Variants in POLI observed in about 807,000 individuals in gnomAD.
POLI encodes RAD30 homolog B.
In POLI, 58 loss-of-function variants were observed where a neutral mutation model predicts 51.6. That is an observed-to-expected ratio of 1.12 (90% confidence interval 0.91 to 1.40). The LOEUF (loss-of-function observed/expected upper bound fraction) is 1.40. Ranked by LOEUF, POLI falls within the 40% of genes most tolerant of loss-of-function variation. The pLI is 0.00. For synonymous variants in POLI, 322 were observed against 299.7 expected (o/e 1.07, Z -0.77); for missense variants, 921 against 871.3 (o/e 1.06, Z -0.72).
At chr18:54,305,277 G>A (rs1455538788) in intron 3 of POLI, among the ~76,000 whole-genome samples, 1 of 151,980 alleles carries the variant, frequency 6.6e-6, no homozygotes, top group Non-Finnish European at 1.5e-5. Context: ...ACTTTAAAGT[G>A]TTTTTTTCCA....
chr18:54,306,333 C>G (rs566005006), intron 3 of POLI, among the ~76,000 whole-genome samples: 1 of 152,196 alleles, frequency 6.6e-6, no homozygotes, highest in South Asian at 2.1e-4. Flanking sequence ...TTGAGATAAT[C>G]ATGTGGTTTT....
chr18:54,269,631 G>A lies in POLI; in HGVS notation c.85G>A (p.Ala29Thr), dbSNP rs2086909809. The change falls in exon 1 of 10, where the codon GCG becomes ACG. Residue 29 changes from alanine to threonine, a missense_variant. By Grantham distance (58) the Ala-to-Thr change is moderately conservative. Coordinates refer to ENST00000579534, the MANE Select transcript of POLI (RefSeq NM_007195.3). ...CGCCGAGGCCTGGGCCATGGAACTG[G>A]CGGACGTGGGGGCGGCAGCCAGCTC... ...EDAEAWAMEL[A>T]DVGAAASSQG... 2 of 1,509,974 alleles carry A rather than the reference G, an allele frequency of 1.3e-6. No homozygotes were observed. Among genetic ancestry groups the A allele is most frequent in the South Asian group, 2.5e-5 (2 of 81,544 alleles). 93.5% of individuals were successfully genotyped at this position (1,509,974 alleles called of 1,614,324 possible).
chr18:54,281,014 G>C, intron 5 of POLI, 111 bp downstream of exon 5: 1 of 616,746 alleles, frequency 1.6e-6, no homozygotes, highest in Non-Finnish European at 2.8e-6. Context: ...CTGTGAGTTT[G>C]TGTGCATGTG....
chr18:54,279,115 A>G (rs1373640821), intron 4 of POLI, among the ~76,000 whole-genome samples: 1 of 60,320 alleles, frequency 1.7e-5, no homozygotes, highest in Non-Finnish European at 2.9e-5. Flanking sequence ...TAGGTTTTAT[A>G]TCCCAAAAAG....
chr18:54,277,930 G>T, intron 4 of POLI, 75 bp downstream of exon 4: 2 of 1,112,774 alleles, frequency 1.8e-6, no homozygotes, highest in Non-Finnish European at 2.6e-6. Context: ...AGTTCGCTGT[G>T]TGATTCTGAA....
intron 3 of POLI, among the ~76,000 whole-genome samples, chr18:54,303,760 C>CTTTTTTT (rs111293093): frequency 7.2e-6 from 1 of 139,298 alleles, no homozygotes; most frequent in African/African-American, 2.6e-5. Context: ...GTTCATTTTT[C>CTTTTTTT]TTTTTTTTTT....
rs2088360624 is a variant in POLI, at chr18:54,296,950, T to A, written c.*2483T>A. The A allele has an allele frequency of 1.0e-6, 1 of 981,342 alleles. No homozygotes were observed. Among genetic ancestry groups the A allele is most frequent in the Non-Finnish European group, 1.2e-6 (1 of 826,212 alleles). The allele number at this position is 981,342 out of a possible 1,614,324, so 60.8% of individuals were successfully genotyped here. On this transcript the variant is annotated 3_prime_UTR_variant, in exon 10 of 10. Transcript: ENST00000579534. ...ATTATTGCATATCATTGTGACTTATTTCCTTGAGTATGTGTTAATCTGCGA... is the reference window on the plus strand; with the variant it reads ...ATTATTGCATATCATTGTGACTTATATCCTTGAGTATGTGTTAATCTGCGA...
chr18:54,272,579 C>T (rs1481220903), intron 2 of POLI, among the ~76,000 whole-genome samples: 1 of 151,900 alleles, frequency 6.6e-6, no homozygotes, highest in Non-Finnish European at 1.5e-5. Context: ...TCAGGTGATT[C>T]TCCTGCCTCA....
Position 54,295,816 on chromosome 18 carries a change from T to TG in POLI, c.*1350dup. 1 of 279,844 alleles carries TG rather than the reference T, an allele frequency of 3.6e-6. No homozygotes were observed. The highest frequency in any genetic ancestry group is 5.4e-6 in the Non-Finnish European group (1 of 185,094). 17.3% of individuals were successfully genotyped at this position (279,844 alleles called of 1,614,324 possible). A position where few individuals can be genotyped will look rare whatever the true frequency, so the allele number is the denominator to read the frequency against. ...CAAATTTTTGTATTTTTAGTAGAGA[T>TG]GACATTTCACCATATTGGCCAGGCT... On this transcript the variant is annotated 3_prime_UTR_variant, in exon 10 of 10. Coordinates refer to ENST00000579534, the MANE Select transcript of POLI (RefSeq NM_007195.3).
At chr18:54,270,171 T>A in intron 1 of POLI, 1 of 284,970 alleles carries the variant, frequency 3.5e-6, no homozygotes, top group Non-Finnish European at 5.3e-6. Context: ...GGCCTGGATG[T>A]AAAGGCACCG....
Position 54,294,088 on chromosome 18 carries a change from T to A in POLI, c.1844T>A (p.Met615Lys). 1 of 1,610,154 alleles carries A rather than the reference T, an allele frequency of 6.2e-7. No homozygotes were observed. The highest frequency in any genetic ancestry group is 8.5e-7 in the Non-Finnish European group (1 of 1,176,504). ...TTTAATAGCAGTAGTTCTTCTTACA[T>A]GTCTAGCCAAAAGGATTATTCATAT... ...SGFNSSSSSY[M>K]SSQKDYSYYL... Residue 615 changes from methionine (M) to lysine (K), a missense_variant, in exon 10 of 10, where the codon ATG becomes AAG. Coordinates refer to ENST00000579534, the MANE Select transcript of POLI (RefSeq NM_007195.3).
intron 2 of POLI, 31 bp from the exon 3 acceptor site, chr18:54,273,895 G>C: frequency 7.6e-7 from 1 of 1,319,198 alleles, no homozygotes; most frequent in Non-Finnish European, 1.0e-6. Flanking sequence ...CTTCAATTGT[G>C]CTTGGGTTTC....
chr18:54,277,555 C>A, intron 3 of POLI, 148 bp from the exon 4 acceptor site: 1 of 527,250 alleles, frequency 1.9e-6, no homozygotes, highest in East Asian at 3.0e-5. Flanking sequence ...CGTCAATTAA[C>A]TGAGGGCTTT....
At chr18:54,282,718 G>A in intron 5 of POLI, 119 bp from the exon 6 acceptor site, 1 of 610,032 alleles carries the variant, frequency 1.6e-6, no homozygotes, top group East Asian at 2.8e-5. Context: ...TGGATAAGGG[G>A]GGACTACTGT....
chr18:54,297,426 A>G lies in POLI; in HGVS notation c.*2959A>G, dbSNP rs1174302667. 4.1e-6 allele frequency: 4 copies of G among 982,282 alleles called. No homozygotes were observed. The highest frequency in any genetic ancestry group is 4.8e-6 in the Non-Finnish European group (4 of 827,356). The allele number at this position is 982,282 out of a possible 1,614,324, so 60.8% of individuals were successfully genotyped here. A position where few individuals can be genotyped will look rare whatever the true frequency, so the allele number is the denominator to read the frequency against. ...GGCCTGGAGATTTCCCTTATATGGTACAAACCAGCAATGAATTAAGAGGTC... is the reference window on the plus strand; with the variant it reads ...GGCCTGGAGATTTCCCTTATATGGTGCAAACCAGCAATGAATTAAGAGGTC... On this transcript the variant is annotated 3_prime_UTR_variant, in exon 10 of 10. Coordinates refer to ENST00000579534, the MANE Select transcript of POLI (RefSeq NM_007195.3).
intron 3 of POLI, among the ~76,000 whole-genome samples, chr18:54,304,288 G>A (rs947859101): frequency 2.0e-5 from 3 of 152,152 alleles, no homozygotes; most frequent in Admixed American, 6.5e-5. Flanking sequence ...TAATGGGATT[G>A]CTGGGTCAAA....
chr18:54,308,652 C>T (rs1318685916), intron 3 of POLI, among the ~76,000 whole-genome samples: 1 of 152,174 alleles, frequency 6.6e-6, no homozygotes, highest in Non-Finnish European at 1.5e-5. Flanking sequence ...TAGAAGTTCT[C>T]CTGGATAATA....
Position 54,295,185 on chromosome 18 carries a change from C to T in POLI, c.*718C>T, listed in dbSNP as rs184144968. On this transcript the variant is annotated 3_prime_UTR_variant, in exon 10 of 10. Transcript: ENST00000579534. Reference sequence around the variant, plus strand: ...AAGGGAAAGATGGACACCAGAAAGGCAAGGTGATGGGCCTATAAGCATACT... The same window carrying T: ...AAGGGAAAGATGGACACCAGAAAGGTAAGGTGATGGGCCTATAAGCATACT... 1.4e-5 allele frequency: 14 copies of T among 985,304 alleles called. No homozygotes were observed. The African/African-American group carries it at 2.4e-4, about 17-fold the overall frequency. 61.0% of individuals were successfully genotyped at this position (985,304 alleles called of 1,614,324 possible).
chr18:54,318,727 T>C (rs1045976981), intron 3 of POLI, among the ~76,000 whole-genome samples: 1 of 152,212 alleles, frequency 6.6e-6, no homozygotes, highest in African/African-American at 2.4e-5. Flanking sequence ...CCTTCCACAC[T>C]GTGGAACTCA....
Sources: gnomAD v4.1 joint callset for allele counts (sites outside exome capture counted in the v4.1 genomes callset) on GRCh38, gnomAD v4.1.1 for gene constraint, MANE v1.5 for transcripts, NCBI Gene and HGNC (gene_info 2026-07-23, HGNC 2026-07-21) for gene names.